The following CNTN1 variants were observed in gnomAD, a reference collection of about 807,000 sequenced individuals.
CNTN1 encodes the protein contactin-1.
CNTN1 carries 38 observed loss-of-function variants against 126.4 expected under a neutral mutation model. The observed-to-expected ratio is 0.30, with a 90% CI of 0.23 to 0.39. CNTN1 has a LOEUF of 0.39. Among genes scored for constraint, CNTN1 ranks in the 10% least tolerant of loss-of-function variants. CNTN1 has a pLI of 1.00. For synonymous variants in CNTN1, 413 were observed against 422.6 expected (o/e 0.98, Z 0.28); for missense variants, 1,009 against 1,248.4 (o/e 0.81, Z 2.89).
rs1949861759 is a variant in CNTN1 at position 41,057,954 on chromosome 12, TG to T, written c.2981-12004del. 2.0e-5 allele frequency among the ~76,000 whole-genome samples: 3 copies of T among 152,046 alleles called. No homozygotes were observed. In the South Asian group the frequency reaches 6.2e-4, roughly 31 times the overall value. On this transcript the variant is annotated intron_variant, in intron 23 of 23. Transcript: ENST00000551295. Reference sequence around the variant, plus strand: ...CGAGGAAGAAAAAGCACTTTGCAAATGACGGCATTTTCTATTATGAATAATT... The same window carrying T: ...CGAGGAAGAAAAAGCACTTTGCAAATACGGCATTTTCTATTATGAATAATT...
At chr12:40,769,959 T>A (rs1216460707) in intron 1 of CNTN1, among the ~76,000 whole-genome samples, 1 of 152,130 alleles carries the variant, frequency 6.6e-6, no homozygotes, top group African/African-American at 2.4e-5. Context: ...GGAGAAGACC[T>A]AAGGGCCTAT....
In CNTN1 at chr12:40,902,087, G is replaced by C. The variant is rs547620648; in HGVS notation, c.-76-6270G>C. Reference sequence around the variant, plus strand: ...TCATTGTATAGTATCCCCTTTTAAAGGGGTAGCAATTTTAAAATTCAAAAC... The same window carrying C: ...TCATTGTATAGTATCCCCTTTTAAACGGGTAGCAATTTTAAAATTCAAAAC... On this transcript the variant is annotated intron_variant, in intron 1 of 23. Coordinates refer to ENST00000551295, the MANE Select transcript of CNTN1 (RefSeq NM_001843.4). 2.6e-5 allele frequency among the ~76,000 whole-genome samples: 4 copies of C among 152,248 alleles called. No individual in the cohort carries two copies. The South Asian group carries it at 8.3e-4, about 32-fold the overall frequency.
Position 41,014,343 on chromosome 12 carries a change from A to G in CNTN1, c.2184+45A>G, listed in dbSNP as rs1249025351. The G allele has an allele frequency of 3.8e-6, 6 of 1,585,928 alleles. No homozygotes were observed. In the African/African-American group the frequency reaches 8.1e-5, roughly 21 times the overall value. ...ACATATTATAGGTTGCTGTATCTAT[A>G]TTTAACTTCCACCCCATTTTGTTTC... On this transcript the variant is annotated intron_variant, in intron 18 of 23. Coordinates refer to ENST00000551295, the MANE Select transcript of CNTN1 (RefSeq NM_001843.4).
At chr12:40,828,423 G>C (rs572061573) in intron 1 of CNTN1, 1 of 152,252 alleles carries the variant, frequency 6.6e-6, no homozygotes, top group East Asian at 1.9e-4. Context: ...GCCAGCATCA[G>C]GACTCTCAAT....
At chr12:40,814,107 G>A (rs556491982) in intron 1 of CNTN1, among the ~76,000 whole-genome samples, 3 of 152,192 alleles carry the variant, frequency 2.0e-5, no homozygotes, top group Non-Finnish European at 4.4e-5. Context: ...ACCTTTGTCA[G>A]ATGGGTAGAT....
Position 40,922,256 on chromosome 12 carries a change from A to T in CNTN1, c.228A>T (p.Lys76Asn), listed in dbSNP as rs759471305. The T allele has an allele frequency of 6.2e-7, 1 of 1,613,724 alleles. No individual in the cohort carries two copies. The highest frequency in any genetic ancestry group is 8.5e-7 in the Non-Finnish European group (1 of 1,179,696). ...RARASPFPVYKWRMNNGDVDL... is the reference protein window; with the variant it reads ...RARASPFPVYNWRMNNGDVDL... ...TGACCTTTGTGTCTTTTTCTCATAG[A>T]TGGAGAATGAATAATGGGGACGTTG... is the stretch of plus-strand genomic sequence containing the variant. Residue 76 changes from lysine to asparagine, a missense_variant and splice_region_variant, in exon 5 of 24, where the codon AAA becomes AAT. Physicochemically the swap from Lys to Asn is moderately conservative, Grantham distance 94. Coordinates refer to ENST00000551295, the MANE Select transcript of CNTN1 (RefSeq NM_001843.4).
intron 1 of CNTN1, among the ~76,000 whole-genome samples, chr12:40,780,285 G>T (rs1373750619): frequency 1.3e-5 from 2 of 151,886 alleles, no homozygotes; most frequent in Non-Finnish European, 2.9e-5. Context: ...AGGATGACAG[G>T]TGAACTTGTC....
intron 1 of CNTN1, among the ~76,000 whole-genome samples, chr12:40,734,343 C>T (rs1463679912): frequency 6.6e-6 from 1 of 152,030 alleles, no homozygotes. Flanking sequence ...TATATGAAAA[C>T]AGCCTATTTA....
intron 2 of CNTN1, among the ~76,000 whole-genome samples, chr12:40,909,168 G>C (rs1374787381): frequency 1.3e-5 from 2 of 151,860 alleles, no homozygotes; most frequent in Non-Finnish European, 2.9e-5. Context: ...GTGTGTGTAG[G>C]GACATAAGAC....
intron 1 of CNTN1, among the ~76,000 whole-genome samples, chr12:40,754,683 AGTATTTAT>A (rs1298337042): frequency 6.6e-6 from 1 of 151,846 alleles, no homozygotes; most frequent in Non-Finnish European, 1.5e-5. Context: ...CTCTTTTTCT[AGTATTTAT>A]GTTGCAAGTT....
intron 23 of CNTN1, among the ~76,000 whole-genome samples, chr12:41,047,230 G>A (rs1406594821): frequency 6.6e-6 from 1 of 152,038 alleles, no homozygotes; most frequent in Non-Finnish European, 1.5e-5. Context: ...AGGAGTCTCT[G>A]ATTAACACGG....
At chr12:40,700,535 A>C (rs541722026) in intron 1 of CNTN1, among the ~76,000 whole-genome samples, 194 of 152,270 alleles carry the variant, frequency 1.3e-3, no homozygotes, top group Non-Finnish European at 2.4e-3. Context: ...CAAAATAAAA[A>C]AAAAAATAAA....
intron 1 of CNTN1, among the ~76,000 whole-genome samples, chr12:40,731,803 T>C (rs1178298996): frequency 6.6e-6 from 1 of 151,942 alleles, no homozygotes; most frequent in African/African-American, 2.4e-5. Flanking sequence ...ACCTAATAAA[T>C]ACACACAAAT....
intron 23 of CNTN1, among the ~76,000 whole-genome samples, chr12:41,060,813 A>T (rs1299335970): frequency 6.6e-6 from 1 of 152,228 alleles, no homozygotes; most frequent in Non-Finnish European, 1.5e-5. Flanking sequence ...CAGAACCCAG[A>T]TACCAAGGTC....
chr12:40,934,693 A>C (rs910440852), intron 9 of CNTN1, among the ~76,000 whole-genome samples: 2 of 151,976 alleles, frequency 1.3e-5, no homozygotes, highest in African/African-American at 4.8e-5. Flanking sequence ...AGGAATAAAA[A>C]ATTTGACAGA....
chr12:41,008,472 C>G (rs1258461458), intron 17 of CNTN1, among the ~76,000 whole-genome samples: 1 of 152,074 alleles, frequency 6.6e-6, no homozygotes, highest in Non-Finnish European at 1.5e-5. Context: ...AATTTCTGGT[C>G]TAGGTCATCT....
At chr12:40,879,266 C>G (rs942048551) in intron 1 of CNTN1, among the ~76,000 whole-genome samples, 2 of 152,060 alleles carry the variant, frequency 1.3e-5, no homozygotes, top group African/African-American at 2.4e-5. Flanking sequence ...TTTCGAAAAC[C>G]AGTCACCCAT....
At chr12:40,922,629 T>A (rs1195731472) in intron 5 of CNTN1, among the ~76,000 whole-genome samples, 1 of 152,030 alleles carries the variant, frequency 6.6e-6, no homozygotes, top group Non-Finnish European at 1.5e-5. Flanking sequence ...AAAGATGATG[T>A]TGTCAAATAA....
At chr12:40,754,806 A>G (rs554535788) in intron 1 of CNTN1, among the ~76,000 whole-genome samples, 80 of 151,988 alleles carry the variant, frequency 5.3e-4, no homozygotes, top group African/African-American at 1.8e-3. Flanking sequence ...CTGTACCTCT[A>G]CTCTGTGAAA....
Sources: gnomAD v4.1 joint callset for allele counts (sites outside exome capture counted in the v4.1 genomes callset) on GRCh38, gnomAD v4.1.1 for gene constraint, MANE v1.5 for transcripts, NCBI Gene and HGNC (gene_info 2026-07-23, HGNC 2026-07-21) for gene names.